The following ADGRF3 variants were observed in gnomAD, a reference collection of about 807,000 sequenced individuals.
The protein encoded by ADGRF3 is G protein-coupled receptor 113.
Under a neutral mutation model 93.2 loss-of-function variants are expected in ADGRF3, and 85 were observed. That is an observed-to-expected ratio of 0.91 (90% CI 0.77 to 1.09). The LOEUF is 1.09. ADGRF3 is among the 50% of genes least tolerant of loss of function. The pLI is 0.00. For synonymous variants in ADGRF3, 534 were observed against 532.5 expected, an observed-to-expected ratio of 1.00 and a Z score of -0.04; for missense variants, 1,125 against 1,246.2, an observed-to-expected ratio of 0.90 and a Z score of 1.46.
chr2:26,318,612 T>G (rs1304231966), intron 1 of ADGRF3, among the ~76,000 whole-genome samples: 1 of 152,184 alleles, frequency 6.6e-6, no homozygotes, highest in Admixed American at 6.5e-5. Flanking sequence ...ATGTCTTTCC[T>G]CAGATTCTCT....
rs1481083656 is a variant in ADGRF3, at chr2:26,311,392, C to T, written c.2132G>A (p.Gly711Glu). The part of the protein sequence containing the change: ...ALALLTQVGL[G>E]ASILALLVCL... ...CACAAGCAGCGCCAGTATGGAAGCT[C>T]CCAAGCCCACTTGAGTCAGCAGCGC... The change falls in exon 10 of 14, where the codon GGA becomes GAA. Residue 711 changes from glycine to glutamate, a missense_variant. By Grantham distance (98) the Gly-to-Glu change is moderately conservative. Coordinates refer to ENST00000651242, the MANE Select transcript of ADGRF3 (RefSeq NM_001321971.2). 9 of 1,613,882 alleles carry T rather than the reference C, an allele frequency of 5.6e-6. No individual in the cohort carries two copies. In the Admixed American group the frequency reaches 1.0e-4, roughly 18 times the overall value.
chr2:26,322,563 C>A (rs549660378), intron 1 of ADGRF3, among the ~76,000 whole-genome samples: 3 of 152,190 alleles, frequency 2.0e-5, no homozygotes, highest in South Asian at 4.2e-4. Flanking sequence ...TTTAGAAAAG[C>A]TTGAAACATT....
In ADGRF3 at chr2:26,309,589, G is replaced by A; in HGVS notation, c.2938-8C>T. ...GCAGCCTTCATTTGTGGCCTAGGAA[G>A]GGGTGGGAAGGCCCAATTGCAGGGC... On this transcript the variant is annotated splice_polypyrimidine_tract_variant and splice_region_variant and intron_variant, in intron 12 of 13. Transcript: ENST00000651242. The A allele has an allele frequency of 6.2e-7, 1 of 1,611,856 alleles. No homozygotes were observed.
intron 1 of ADGRF3, among the ~76,000 whole-genome samples, chr2:26,343,471 G>A (rs1676508222): frequency 6.6e-6 from 1 of 150,940 alleles, no homozygotes; most frequent in Admixed American, 6.6e-5. Context: ...ACAGAGCCTC[G>A]CTGTGTCACC....
intron 1 of ADGRF3, among the ~76,000 whole-genome samples, chr2:26,331,157 T>C (rs991492355): frequency 6.6e-6 from 1 of 152,358 alleles, no homozygotes; most frequent in East Asian, 1.9e-4. Flanking sequence ...ATTGCATTCT[T>C]GTCAGAGAAG....
intron 1 of ADGRF3, among the ~76,000 whole-genome samples, chr2:26,318,292 A>G (rs1674885496): frequency 6.6e-6 from 1 of 152,188 alleles, no homozygotes; most frequent in Non-Finnish European, 1.5e-5. Context: ...AGATACGAGT[A>G]TGGATAAGAC....
intron 9 of ADGRF3, among the ~76,000 whole-genome samples, chr2:26,312,695 C>T (rs548526109): frequency 1.3e-5 from 2 of 152,342 alleles, no homozygotes; most frequent in East Asian, 1.9e-4. Flanking sequence ...ACACACGCCT[C>T]GGGCCTCATG....
chr2:26,338,017 C>T (rs551893672), intron 1 of ADGRF3, among the ~76,000 whole-genome samples: 9 of 152,074 alleles, frequency 5.9e-5, no homozygotes, highest in East Asian at 1.9e-4. Flanking sequence ...AAGCAAGACT[C>T]GGTCTCAAAA....
rs988680844 is a variant in ADGRF3, at chr2:26,316,937, A to G, written c.300T>C (p.Leu100=). 18 of 1,611,670 alleles carry G rather than the reference A, an allele frequency of 1.1e-5. No individual in the cohort carries two copies. Among genetic ancestry groups the G allele is most frequent in the African/African-American group, 2.7e-5 (2 of 74,738 alleles). The change falls in exon 3 of 14, where the codon CTT becomes CTC. Residue 100 remains leucine (L), a synonymous_variant. Coordinates refer to ENST00000651242, the MANE Select transcript of ADGRF3 (RefSeq NM_001321971.2). The part of the protein sequence containing the change: ...AASASSSPRP[L]LTGLRLTTEC... ...CTGTTGTGAGTCTGAGGCCAGTGAGAAGAGGCCTTGGGGAAGAGGAAGCTG... is the reference window on the plus strand; with the variant it reads ...CTGTTGTGAGTCTGAGGCCAGTGAGGAGAGGCCTTGGGGAAGAGGAAGCTG...
At chr2:26,312,877 C>T in intron 9 of ADGRF3, 66 bp downstream of exon 9, 1 of 1,455,678 alleles carries the variant, frequency 6.9e-7, no homozygotes, top group Non-Finnish European at 9.3e-7. Flanking sequence ...ACAGAAATGC[C>T]CACAGGTGGG....
Position 26,330,180 on chromosome 2 carries a change from A to C in ADGRF3, c.115-12618T>G, listed in dbSNP as rs573233488. On this transcript the variant is annotated intron_variant, in intron 1 of 13. Transcript: ENST00000651242. ...TCAAAACCTTTACGGTGCTATTCAG[A>C]TCTTCTGCAGATGTGTGCCACCCAG... is the stretch of plus-strand genomic sequence containing the variant. Among the ~76,000 whole-genome samples the C allele has an allele frequency of 2.1e-3, 325 of 152,170 alleles. 2 individuals carry two copies. Among genetic ancestry groups the C allele is most frequent in the Non-Finnish European group, 3.8e-3 (256 of 68,008 alleles).
At position 26,310,920 on chromosome 2, in the gene ADGRF3, G is replaced by C. The variant is rs1674033747; in HGVS notation, c.2604C>G (p.Ile868Met). 1 of 1,613,144 alleles carries C rather than the reference G, an allele frequency of 6.2e-7. No individual in the cohort carries two copies. The highest frequency in any genetic ancestry group is 8.5e-7 in the Non-Finnish European group (1 of 1,179,474). The change falls in exon 10 of 14, where the codon ATC becomes ATG. Residue 868 changes from isoleucine to methionine, a missense_variant. By Grantham distance (10) the Ile-to-Met change is conservative. Coordinates refer to ENST00000651242, the MANE Select transcript of ADGRF3 (RefSeq NM_001321971.2). ...CTAGTACCAGCCCATTCACGCCTATGATGGCCAGCACTGGCCCCACGAAGG... is the reference window on the plus strand; with the variant it reads ...CTAGTACCAGCCCATTCACGCCTATCATGGCCAGCACTGGCCCCACGAAGG... ...LYTFVGPVLAIIGVNGLVLAM... is the reference protein window; with the variant it reads ...LYTFVGPVLAMIGVNGLVLAM...
intron 1 of ADGRF3, among the ~76,000 whole-genome samples, chr2:26,320,818 G>A (rs1275406713): frequency 6.6e-6 from 1 of 152,166 alleles, no homozygotes; most frequent in Non-Finnish European, 1.5e-5. Flanking sequence ...GAAAAGTGAA[G>A]TAGCTTTATT....
At chr2:26,331,110 A>T (rs1231429840) in intron 1 of ADGRF3, among the ~76,000 whole-genome samples, 2 of 152,038 alleles carry the variant, frequency 1.3e-5, no homozygotes, top group African/African-American at 4.8e-5. Flanking sequence ...AACAAAAGAA[A>T]TTCTCTGGTT....
In ADGRF3 at chr2:26,314,587, T is replaced by C. The variant is rs751668618; in HGVS notation, c.755A>G (p.Lys252Arg). Residue 252 changes from lysine to arginine, a missense_variant, in exon 6 of 14, where the codon AAG becomes AGG. Transcript: ENST00000651242. ...YMSCFEAQGF[K>R]WNLYEVVRVP... ...CCTCACCACCTCATACAGGTTCCAC[T>C]TGAAGCCCTGGGCCTCGAAGCAGCT... The C allele has an allele frequency of 9.9e-6, 16 of 1,613,922 alleles. No homozygotes were observed. The African/African-American group carries it at 1.6e-4, about 16-fold the overall frequency.
rs1034130950 is a variant in ADGRF3 at position 26,311,947 on chromosome 2, A to T, written c.1577T>A (p.Leu526Gln). The change falls in exon 10 of 14, where the codon CTG becomes CAG. Residue 526 changes from leucine (L) to glutamine (Q), a missense_variant. Coordinates refer to ENST00000651242, the MANE Select transcript of ADGRF3 (RefSeq NM_001321971.2). ...GGCGAAGGGGTGGTCCTGTGGGCAC[A>T]GGCTGCATGCCAGGGTCTCCACAGC... is the stretch of plus-strand genomic sequence containing the variant. ...LLAVETLACS[L>Q]CPQDHPFAFS... 3 of 1,613,786 alleles carry T rather than the reference A, an allele frequency of 1.9e-6. No homozygotes were observed. The highest frequency in any genetic ancestry group is 1.7e-5 in the Admixed American group (1 of 60,028).
intron 1 of ADGRF3, among the ~76,000 whole-genome samples, chr2:26,345,423 T>C (rs1192971422): frequency 6.6e-6 from 1 of 152,102 alleles, no homozygotes; most frequent in East Asian, 1.9e-4. Context: ...GCAATCTTAA[T>C]TTGGAACGGT....
intron 1 of ADGRF3, among the ~76,000 whole-genome samples, chr2:26,339,114 CAAAAAAA>C (rs61584458): frequency 2.5e-5 from 1 of 39,672 alleles, no homozygotes; most frequent in Non-Finnish European, 5.0e-5. Flanking sequence ...GACTCCGTCA[CAAAAAAA>C]AAAAAAAAAA....
At chr2:26,335,947 C>T (rs1676011158) in intron 1 of ADGRF3, among the ~76,000 whole-genome samples, 1 of 152,182 alleles carries the variant, frequency 6.6e-6, no homozygotes, top group African/African-American at 2.4e-5. Flanking sequence ...TATTCCTTCA[C>T]AGTACAACTT....
Sources: gnomAD v4.1 joint callset for allele counts (sites outside exome capture counted in the v4.1 genomes callset) on GRCh38, gnomAD v4.1.1 for gene constraint, MANE v1.5 for transcripts, NCBI Gene and HGNC (gene_info 2026-07-23, HGNC 2026-07-21) for gene names.